Variants in CASC3 observed in about 807,000 individuals in gnomAD.
CASC3 encodes the protein protein CASC3.
Under a neutral mutation model 80.5 loss-of-function variants are expected in CASC3, and 30 were observed. The ratio of observed to expected loss-of-function variants is 0.37; its 90% CI spans 0.28 to 0.51. The LOEUF is 0.51. CASC3 is among the 20% of genes least tolerant of loss of function. The probability of loss-of-function intolerance (pLI) is 0.94; values close to 1 mark genes in which losing one functional copy is unlikely to be tolerated. For missense variants in CASC3, 824 were observed against 922.2 expected, an observed-to-expected ratio of 0.89 and a Z score of 1.38; for synonymous variants, 312 against 333.6, an observed-to-expected ratio of 0.94 and a Z score of 0.70.
chr17:40,140,885 CTTTTT>C (rs1369021876), intron 1 of CASC3, 106 bp downstream of exon 1: 1 of 913,108 alleles, frequency 1.1e-6, no homozygotes, highest in Admixed American at 3.2e-5. Flanking sequence ...GATACTGGGA[CTTTTT>C]TTTGTTTTTG....
intron 3 of CASC3, among the ~76,000 whole-genome samples, chr17:40,142,460 G>C (rs1478729357): frequency 6.6e-6 from 1 of 152,212 alleles, no homozygotes; most frequent in Non-Finnish European, 1.5e-5. Context: ...GTTCTAGGCA[G>C]AGAGAACAAC....
chr17:40,163,615 T>C lies in CASC3; in HGVS notation c.920T>C (p.Met307Thr). Residue 307 changes from methionine to threonine, a missense_variant, in exon 7 of 14, where the codon ATG (methionine) becomes ACG (threonine). Physicochemically the swap from Met to Thr is moderately conservative, Grantham distance 81. This residue lies in a region of CASC3 where 201 missense variants were observed against 294.1 expected (regional missense o/e 0.68). Coordinates refer to ENST00000264645, the MANE Select transcript of CASC3 (RefSeq NM_007359.5). ...AGGAATGCTGCAGGTACCGGCCGTA[T>C]GTCTGCACCCAGGAATTATTCTCGA... is the stretch of plus-strand genomic sequence containing the variant. ...INRNAAGTGR[M>T]SAPRNYSRSG... 1 of 1,614,170 alleles carries C rather than the reference T, an allele frequency of 6.2e-7. No individual in the cohort carries two copies.
chr17:40,140,614 C>T lies in CASC3; in HGVS notation c.66C>T (p.Gly22=). ...AGGACGAGGAATCTGGTGCTTCGGG[C>T]TCCGACAGCGGCGGCTCCCCGTTGC... ...DTEDEESGAS[G]SDSGGSPLRG... Residue 22 remains glycine (G), a synonymous_variant, in exon 1 of 14, where the codon GGC becomes GGT. Transcript: ENST00000264645. 6.2e-7 allele frequency: 1 copy of T among 1,611,156 alleles called. No homozygotes were observed. The highest frequency in any genetic ancestry group is 8.5e-7 in the Non-Finnish European group (1 of 1,179,432).
At chr17:40,145,330 C>T (rs529977465) in intron 3 of CASC3, among the ~76,000 whole-genome samples, 54 of 151,988 alleles carry the variant, frequency 3.6e-4, no homozygotes, top group African/African-American at 9.4e-4. Flanking sequence ...TGCACCACCA[C>T]GCTCAGCTAA....
chr17:40,141,056 C>G, intron 1 of CASC3, 151 bp from the exon 2 acceptor site: 2 of 750,754 alleles, frequency 2.7e-6, no homozygotes, highest in South Asian at 3.3e-5. Flanking sequence ...ACCAGACCTG[C>G]CTTGGCTACT....
chr17:40,162,985 C>CT (rs1989342819), intron 6 of CASC3, 84 bp downstream of exon 6: 1 of 1,232,310 alleles, frequency 8.1e-7, no homozygotes, highest in South Asian at 1.3e-5. Context: ...CTTTGGGAGG[C>CT]TGAGGCAGGA....
intron 3 of CASC3, among the ~76,000 whole-genome samples, chr17:40,144,346 T>G (rs1224043078): frequency 1.4e-5 from 2 of 142,424 alleles, no homozygotes; most frequent in Non-Finnish European, 3.1e-5. Context: ...TTTCTTTTTC[T>G]TTTTTTTTTT....
chr17:40,162,418 G>A (rs889486771), intron 5 of CASC3, among the ~76,000 whole-genome samples: 1 of 152,058 alleles, frequency 6.6e-6, no homozygotes, highest in African/African-American at 2.4e-5. Flanking sequence ...GGTGTAAGGC[G>A]TCTGAGAAGT....
chr17:40,166,016 T>G (rs1429952760), intron 7 of CASC3, among the ~76,000 whole-genome samples: 1 of 152,094 alleles, frequency 6.6e-6, no homozygotes. Flanking sequence ...CAGTCTTACC[T>G]CTGCCACCCA....
At chr17:40,169,485 G>A (rs969723443) in intron 12 of CASC3, 39 bp downstream of exon 12, 16 of 1,584,434 alleles carry the variant, frequency 1.0e-5, no homozygotes, top group African/African-American at 2.7e-5. Context: ...CACATGCTCC[G>A]TCAGTGGGCT....
At chr17:40,160,064 A>T (rs1989254382) in intron 3 of CASC3, among the ~76,000 whole-genome samples, 1 of 152,010 alleles carries the variant, frequency 6.6e-6, no homozygotes. Flanking sequence ...TCTCATGGGG[A>T]TCCATGAAAA....
intron 3 of CASC3, among the ~76,000 whole-genome samples, chr17:40,141,989 G>A (rs577144546): frequency 6.6e-6 from 1 of 152,306 alleles, no homozygotes; most frequent in Non-Finnish European, 1.5e-5. Context: ...TGAAAGGGTA[G>A]GATTCGGAAT....
intron 1 of CASC3, 119 bp from the exon 2 acceptor site, chr17:40,141,088 C>G: frequency 1.1e-6 from 1 of 936,682 alleles, no homozygotes; most frequent in Non-Finnish European, 1.7e-6. Context: ...ATTTACCTAT[C>G]TCTGTCTCCC....
chr17:40,141,767 T>C (rs1988724115), intron 3 of CASC3, among the ~76,000 whole-genome samples, 160 bp downstream of exon 3: 1 of 152,224 alleles, frequency 6.6e-6, no homozygotes, highest in African/African-American at 2.4e-5. Context: ...TTGTTCACTT[T>C]AGACCTAGGG....
Position 40,169,203 on chromosome 17 carries a change from T to G in CASC3, c.1966-121T>G, listed in dbSNP as rs146664737. 142 of 1,015,692 alleles carry G rather than the reference T, an allele frequency of 1.4e-4. 1 individual carries two copies. The East Asian group carries it at 3.9e-3, about 28-fold the overall frequency. The allele number at this position is 1,015,692 out of a possible 1,614,324, so 62.9% of individuals were successfully genotyped here. On this transcript the variant is annotated intron_variant, in intron 11 of 13. Coordinates refer to ENST00000264645, the MANE Select transcript of CASC3 (RefSeq NM_007359.5). ...CACTTTATTTTGAAGGGTGGGCAGA[T>G]TAGATATTTTTAAAATTATAAATTC... is the stretch of plus-strand genomic sequence containing the variant.
chr17:40,143,824 A>C (rs1988783854), intron 3 of CASC3, among the ~76,000 whole-genome samples: 1 of 150,920 alleles, frequency 6.6e-6, no homozygotes. Flanking sequence ...GCAAGACTCC[A>C]TCTCAAAAAA....
Position 40,163,708 on chromosome 17 carries a change from G to C in CASC3, c.1013G>C (p.Arg338Pro). The change falls in exon 7 of 14, where the codon CGG (arginine) becomes CCG (proline). Residue 338 changes from arginine to proline, a missense_variant. By Grantham distance (103) the Arg-to-Pro change is moderately radical. Around this residue, in one of 3 missense-constraint regions of CASC3, gnomAD observed 464 missense variants for 506.0 expected, o/e 0.92. Coordinates refer to ENST00000264645, the MANE Select transcript of CASC3 (RefSeq NM_007359.5). Reference sequence around the variant, plus strand: ...GAAGCTGGTGGGCAGCATGGTGGCCGGTCTGGTGAGACTGTTAAGCATGAG... The same window carrying C: ...GAAGCTGGTGGGCAGCATGGTGGCCCGTCTGGTGAGACTGTTAAGCATGAG... The part of the protein sequence containing the change: ...PVEAGGQHGG[R>P]SGETVKHEIS... The C allele has an allele frequency of 6.2e-7, 1 of 1,614,118 alleles. No individual in the cohort carries two copies. The highest frequency in any genetic ancestry group is 8.5e-7 in the Non-Finnish European group (1 of 1,180,020).
rs375544479 is a variant in CASC3, at chr17:40,163,080, A to G, written c.785+179A>G. Among the ~76,000 whole-genome samples, 136 of 152,068 alleles carry G rather than the reference A, an allele frequency of 8.9e-4. No individual in the cohort carries two copies. In the Middle Eastern group the frequency reaches 0.031, roughly 34 times the overall value. ...CAAAAAAAAAAAGAAAAAAAGGAAA[A>G]AAAAAATAGAGTGTAGACTCTTGAT... On this transcript the variant is annotated intron_variant, in intron 6 of 13. Coordinates refer to ENST00000264645, the MANE Select transcript of CASC3 (RefSeq NM_007359.5).
chr17:40,156,757 T>C (rs1181858898), intron 3 of CASC3, among the ~76,000 whole-genome samples: 2 of 152,120 alleles, frequency 1.3e-5, no homozygotes, highest in Admixed American at 1.3e-4. Flanking sequence ...GTGCCTATCC[T>C]GTCTGGGTAC....
Sources: allele counts gnomAD v4.1 joint callset (sites outside exome capture counted in the v4.1 genomes callset), GRCh38; gene constraint gnomAD v4.1.1; regional missense constraint gnomAD v4.1.1; transcripts MANE v1.5; gene names NCBI Gene and HGNC (gene_info 2026-07-23, HGNC 2026-07-21).